VEPH1: variants seen among roughly 807,000 people sequenced by gnomAD.
VEPH1 encodes the protein ventricular zone-expressed PH domain-containing protein homolog 1.
In VEPH1, 80 loss-of-function variants were observed where a neutral mutation model predicts 85.2. The observed-to-expected ratio is 0.94, with a 90% CI of 0.78 to 1.13. VEPH1 has a LOEUF of 1.13. Among genes scored for constraint, VEPH1 ranks in the 50% most tolerant of loss-of-function variants. The pLI, the probability that VEPH1 is intolerant of heterozygous loss-of-function variation, is 0.00. For synonymous variants in VEPH1, 297 were observed against 348.0 expected, an observed-to-expected ratio of 0.85 and a Z score of 1.63; for missense variants, 955 against 980.5, an observed-to-expected ratio of 0.97 and a Z score of 0.35.
rs553829774 is a variant in VEPH1 at position 157,359,136 on chromosome 3, A to C, written c.1735+4228T>G. On this transcript the variant is annotated intron_variant, in intron 9 of 13. Transcript: ENST00000362010. ...TACAGATGGGATGTATTTTCACCCA[A>C]TCAGGAAATACTTCAAAGTAACATT... Among the ~76,000 whole-genome samples the C allele has an allele frequency of 1.1e-4, 17 of 152,368 alleles. No homozygotes were observed. In the South Asian group the frequency reaches 3.5e-3, roughly 32 times the overall value.
At chr3:157,413,379 C>A in intron 6 of VEPH1, 1 of 762,090 alleles carries the variant, frequency 1.3e-6, no homozygotes, top group Non-Finnish European at 1.6e-6. Flanking sequence ...CATTCTGAAC[C>A]CAGGCACTTA....
chr3:157,444,844 T>G (rs929881670), intron 4 of VEPH1, among the ~76,000 whole-genome samples: 2 of 152,208 alleles, frequency 1.3e-5, no homozygotes, highest in Non-Finnish European at 2.9e-5. Flanking sequence ...AAAATAATAC[T>G]TGGGTTAAAA....
intron 9 of VEPH1, among the ~76,000 whole-genome samples, chr3:157,352,244 C>A (rs1275683964): frequency 6.6e-6 from 1 of 152,140 alleles, no homozygotes; most frequent in Non-Finnish European, 1.5e-5. Flanking sequence ...GTGAATATTT[C>A]CAGGGATAAG....
At chr3:157,460,003 CACAG>C (rs1735688250) in intron 4 of VEPH1, 174 bp downstream of exon 4, 1 of 1,543,686 alleles carries the variant, frequency 6.5e-7, no homozygotes, top group African/African-American at 1.4e-5. Flanking sequence ...TGGGAAGGGA[CACAG>C]ACAGCCAGAT....
intron 4 of VEPH1, 97 bp downstream of exon 4, chr3:157,460,084 A>G (rs1457640349): frequency 6.2e-7 from 1 of 1,610,958 alleles, no homozygotes; most frequent in Non-Finnish European, 8.5e-7. Flanking sequence ...TGCTTCTAAT[A>G]CTCTAGGTCT....
At chr3:157,464,623 T>C (rs560080637) in intron 3 of VEPH1, among the ~76,000 whole-genome samples, 7 of 152,348 alleles carry the variant, frequency 4.6e-5, no homozygotes, top group African/African-American at 1.7e-4. Context: ...AGAGCTTTGT[T>C]CTACGGATGC....
At chr3:157,479,567 G>C (rs955977154) in intron 2 of VEPH1, among the ~76,000 whole-genome samples, 6 of 152,166 alleles carry the variant, frequency 3.9e-5, no homozygotes, top group African/African-American at 1.2e-4. Context: ...ATTTGGCATG[G>C]GAGTGGAAAC....
intron 11 of VEPH1, among the ~76,000 whole-genome samples, chr3:157,307,876 A>G (rs1719685176): frequency 1.3e-5 from 2 of 151,756 alleles, no homozygotes; most frequent in South Asian, 4.2e-4. Flanking sequence ...AATTTTTTTC[A>G]TTAATATTAA....
intron 13 of VEPH1, among the ~76,000 whole-genome samples, chr3:157,262,051 T>C (rs942062018): frequency 4.6e-5 from 7 of 152,184 alleles, no homozygotes; most frequent in African/African-American, 1.7e-4. Flanking sequence ...CTAGAGAAAG[T>C]ACCTGTGGTT....
chr3:157,318,818 G>A (rs1242530071), intron 9 of VEPH1, among the ~76,000 whole-genome samples: 2 of 152,002 alleles, frequency 1.3e-5, no homozygotes, highest in African/African-American at 4.8e-5. Flanking sequence ...AGGCAGGAGT[G>A]GGAGAATCCC....
intron 7 of VEPH1, among the ~76,000 whole-genome samples, chr3:157,377,782 C>T (rs149278079): frequency 1.6e-4 from 25 of 152,236 alleles, no homozygotes; most frequent in African/African-American, 6.0e-4. Context: ...TTAATTAAAC[C>T]TCTATCCTTT....
chr3:157,398,880 G>T (rs989946263), intron 6 of VEPH1, among the ~76,000 whole-genome samples: 1 of 151,876 alleles, frequency 6.6e-6, no homozygotes, highest in Non-Finnish European at 1.5e-5. Context: ...CTCAAAACTA[G>T]ATGCCTTTCA....
At chr3:157,310,812 A>G (rs565977231) in intron 11 of VEPH1, among the ~76,000 whole-genome samples, 2 of 152,246 alleles carry the variant, frequency 1.3e-5, no homozygotes, top group South Asian at 4.2e-4. Flanking sequence ...TTCCTCTTGG[A>G]GTGACACATA....
At chr3:157,497,617 T>A (rs969083508) in intron 1 of VEPH1, among the ~76,000 whole-genome samples, 2 of 152,186 alleles carry the variant, frequency 1.3e-5, no homozygotes, top group African/African-American at 2.4e-5. Context: ...TGGCACTCCA[T>A]GAAGTACATT....
intron 7 of VEPH1, among the ~76,000 whole-genome samples, chr3:157,375,371 G>C: frequency 6.6e-6 from 1 of 152,174 alleles, no homozygotes; most frequent in East Asian, 1.9e-4. Flanking sequence ...GTGCATTACT[G>C]TTATTTCAGT....
intron 5 of VEPH1, among the ~76,000 whole-genome samples, chr3:157,428,038 T>C (rs543894333): frequency 8.1e-4 from 123 of 152,368 alleles, no homozygotes; most frequent in Non-Finnish European, 1.2e-3. Flanking sequence ...CTGTAACTTA[T>C]GCCATCAGCT....
Position 157,261,210 on chromosome 3 carries a change from T to C in VEPH1, c.2426A>G (p.Glu809Gly). The change falls in exon 14 of 14, where the codon GAA (glutamate) becomes GGA (glycine). Residue 809 changes from glutamate (E) to glycine (G), a missense_variant. By Grantham distance (98) the Glu-to-Gly change is moderately conservative. Transcript: ENST00000362010. Reference sequence around the variant, plus strand: ...TGCCACGTTGATGCACTGGAGCCATTCTTCTGCATTCTTCTCATCCTTGGC... The same window carrying C: ...TGCCACGTTGATGCACTGGAGCCATCCTTCTGCATTCTTCTCATCCTTGGC... ...FKAKDEKNAE[E>G]WLQCINVAVA... The C allele has an allele frequency of 1.2e-6, 2 of 1,613,858 alleles. No individual in the cohort carries two copies. Among genetic ancestry groups the C allele is most frequent in the Non-Finnish European group, 1.7e-6 (2 of 1,179,798 alleles).
At chr3:157,420,919 C>A (rs895103157) in intron 5 of VEPH1, among the ~76,000 whole-genome samples, 11 of 152,194 alleles carry the variant, frequency 7.2e-5, no homozygotes, top group Admixed American at 2.0e-4. Context: ...CTTTCGTTGG[C>A]TAGACTACAG....
intron 2 of VEPH1, among the ~76,000 whole-genome samples, chr3:157,486,125 A>C (rs1473771101): frequency 6.6e-6 from 1 of 152,198 alleles, no homozygotes; most frequent in Non-Finnish European, 1.5e-5. Flanking sequence ...CAACATATTT[A>C]ATATCCAATA....
Sources: allele counts gnomAD v4.1 joint callset (sites outside exome capture counted in the v4.1 genomes callset), GRCh38; gene constraint gnomAD v4.1.1; transcripts MANE v1.5; gene names NCBI Gene and HGNC (gene_info 2026-07-23, HGNC 2026-07-21).